Variants in ZNF500 observed in about 807,000 individuals in gnomAD.
ZNF500 encodes zinc finger protein 500.
A neutral mutation model predicts 30.1 loss-of-function variants in ZNF500; 31 were observed. The observed-to-expected ratio is 1.03, with a 90% CI of 0.77 to 1.39. The LOEUF is 1.39. ZNF500 is among the 40% of genes most tolerant of loss of function. ZNF500 has a pLI of 0.00. For synonymous variants in ZNF500, 392 were observed against 282.0 expected (o/e 1.39, Z -3.91); for missense variants, 817 against 657.8 (o/e 1.24, Z -2.65).
intron 2 of ZNF500, among the ~76,000 whole-genome samples, chr16:4,764,311 AG>A (rs1387954474): frequency 8.0e-5 from 12 of 150,632 alleles, no homozygotes; most frequent in African/African-American, 2.7e-4. Context: ...AGATCACTTG[AG>A]GCCAGGAGTT....
chr16:4,761,995 C>A (rs2082207102), intron 4 of ZNF500, among the ~76,000 whole-genome samples: 1 of 152,216 alleles, frequency 6.6e-6, no homozygotes, highest in Non-Finnish European at 1.5e-5. Flanking sequence ...CTGTGCCCAG[C>A]AGAGTAGGAG....
chr16:4,747,153 A>G, downstream of ZNF500: 1 of 1,199,436 alleles, frequency 8.3e-7, no homozygotes, highest in Non-Finnish European at 1.2e-6. Context: ...GGTGAGGGGG[A>G]CGGCACAGCT....
chr16:4,758,358 T>G (rs1424543202), intron 5 of ZNF500: 1 of 152,220 alleles, frequency 6.6e-6, no homozygotes, highest in Non-Finnish European at 1.5e-5. Context: ...TGGACAGAGC[T>G]GGGCAGAATC....
chr16:4,746,999 G>A (rs746162741), downstream of ZNF500: 14 of 1,539,054 alleles, frequency 9.1e-6, no homozygotes, highest in Admixed American at 6.9e-5. Flanking sequence ...ACGCAGAGGG[G>A]GCATCTCCTT....
rs1013114619 is a variant in ZNF500, at chr16:4,752,101, G to A, written c.*275C>T. 1.5e-6 allele frequency: 2 copies of A among 1,329,412 alleles called. No homozygotes were observed. Among genetic ancestry groups the A allele is most frequent in the African/African-American group, 3.0e-5 (2 of 66,910 alleles). The allele number at this position is 1,329,412 out of a possible 1,614,324, so 82.4% of individuals were successfully genotyped here. On this transcript the variant is annotated 3_prime_UTR_variant, in exon 6 of 6. Transcript: ENST00000219478. ...ACGAACACCTTGAGTGTCGGCTTCT[G>A]GCCTCCTGAGTGTGTCTCTGTGGCT...
At chr16:4,756,106 T>A (rs1243519334) in intron 5 of ZNF500, among the ~76,000 whole-genome samples, 1 of 152,166 alleles carries the variant, frequency 6.6e-6, no homozygotes, top group Non-Finnish European at 1.5e-5. Context: ...TGATAAAGAA[T>A]GTTTTTGAGG....
rs759451682 is a variant in ZNF500, at chr16:4,765,668, C to A, written c.311G>T (p.Gly104Val). ...VLEQFLTVLP[G>V]EIQARVREQQ... ...CTCGCGTACCCGAGCCTGGATCTCCCCCGGCAGCACAGTCAGGAACTGCTC... is the reference window on the plus strand; with the variant it reads ...CTCGCGTACCCGAGCCTGGATCTCCACCGGCAGCACAGTCAGGAACTGCTC... The change falls in exon 2 of 6, where the codon GGG becomes GTG. Residue 104 changes from glycine (G) to valine (V), a missense_variant. Transcript: ENST00000219478. The A allele has an allele frequency of 6.2e-7, 1 of 1,613,698 alleles. No individual in the cohort carries two copies. The highest frequency in any genetic ancestry group is 8.5e-7 in the Non-Finnish European group (1 of 1,179,966).
intron 5 of ZNF500, among the ~76,000 whole-genome samples, chr16:4,759,235 A>G (rs1197022008): frequency 6.6e-6 from 1 of 151,272 alleles, no homozygotes. Context: ...AAAAACCCTG[A>G]AAATAACAAC....
intron 4 of ZNF500, among the ~76,000 whole-genome samples, chr16:4,761,154 C>A (rs1281014398): frequency 6.6e-6 from 1 of 151,888 alleles, no homozygotes; most frequent in Non-Finnish European, 1.5e-5. Flanking sequence ...AGGAAATGTT[C>A]GGCCGGGCGC....
Position 4,753,061 on chromosome 16 carries a change from G to C in ZNF500, c.761-3C>G, listed in dbSNP as rs894154152. 17 of 1,510,570 alleles carry C rather than the reference G, an allele frequency of 1.1e-5. No homozygotes were observed. The highest frequency in any genetic ancestry group is 1.4e-5 in the Non-Finnish European group (16 of 1,136,238). 93.6% of individuals were successfully genotyped at this position (1,510,570 alleles called of 1,614,324 possible). A position where few individuals can be genotyped will look rare whatever the true frequency, so the allele number is the denominator to read the frequency against. On this transcript the variant is annotated splice_polypyrimidine_tract_variant and splice_region_variant and intron_variant, in intron 5 of 5. Transcript: ENST00000219478. The stretch of plus-strand genomic sequence containing the variant: ...GTCCTCCAACTGGATCCCAGGTCCT[G>C]AGACAGAGAAAGCACGATCTCTAGG...
Position 4,753,044 on chromosome 16 carries a change from A to G in ZNF500, c.775T>C (p.Leu259=), listed in dbSNP as rs2082102055. ...TCCCTGCCATCACCGCCGTCCTCCA[A>G]CTGGATCCCAGGTCCTGAGACAGAG... ...PLENEGPGIQ[L]EDGGDGREDA... The change falls in exon 6 of 6, where the codon TTG becomes CTG. Residue 259 remains leucine (L), a synonymous_variant. Transcript: ENST00000219478. The G allele has an allele frequency of 2.6e-6, 4 of 1,520,908 alleles. No individual in the cohort carries two copies. The highest frequency in any genetic ancestry group is 1.8e-4 in the Middle Eastern group (1 of 5,660). The allele number at this position is 1,520,908 out of a possible 1,614,324, so 94.2% of individuals were successfully genotyped here.
intron 1 of ZNF500, chr16:4,766,797 A>G (rs112306808): frequency 0.13 from 20,508 of 152,148 alleles, 1,747 homozygotes; most frequent in Admixed American, 0.2. Context: ...TGAAGCCCCT[A>G]CGCGGCCCCG....
chr16:4,759,229 A>C (rs1204778898), intron 5 of ZNF500, among the ~76,000 whole-genome samples: 11 of 151,332 alleles, frequency 7.3e-5, no homozygotes, highest in South Asian at 4.2e-4. Context: ...AAAAAAAAAA[A>C]CCCTGAAAAT....
At chr16:4,747,601 G>A, downstream of ZNF500, 1 of 1,609,610 alleles carries the variant, frequency 6.2e-7, no homozygotes, top group Non-Finnish European at 8.5e-7. Flanking sequence ...GGGAGGCCCT[G>A]ATGCCTCCTC....
intron 2 of ZNF500, chr16:4,763,243 C>G (rs1263347181): frequency 4.0e-6 from 2 of 503,646 alleles, no homozygotes; most frequent in Non-Finnish European, 5.1e-6. Flanking sequence ...ACTAAAAATA[C>G]AAAAATTAGC....
Position 4,751,551 on chromosome 16 carries a change from A to G in ZNF500, c.*825T>C, listed in dbSNP as rs903028722. 5.2e-6 allele frequency: 8 copies of G among 1,530,164 alleles called. No individual in the cohort carries two copies. The African/African-American group carries it at 1.1e-4, about 21-fold the overall frequency. The allele number at this position is 1,530,164 out of a possible 1,614,324, so 94.8% of individuals were successfully genotyped here. A position where few individuals can be genotyped will look rare whatever the true frequency, so the allele number is the denominator to read the frequency against. The stretch of plus-strand genomic sequence containing the variant: ...GGCTCCATTTGGAAACTCTGGCAGG[A>G]TGAAGAAGCTGGAGACCACGTCCTG... On this transcript the variant is annotated 3_prime_UTR_variant, in exon 6 of 6. Coordinates refer to ENST00000219478, the MANE Select transcript of ZNF500 (RefSeq NM_021646.4).
chr16:4,747,312 G>T, downstream of ZNF500: 1 of 1,531,048 alleles, frequency 6.5e-7, no homozygotes, highest in South Asian at 1.3e-5. Context: ...CCCCCACGGG[G>T]TTGAGTGAAT....
chr16:4,745,738 G>A (rs2082006514), downstream of ZNF500, among the ~76,000 whole-genome samples: 1 of 152,160 alleles, frequency 6.6e-6, no homozygotes, highest in Admixed American at 6.5e-5. Flanking sequence ...ATCACCTGAT[G>A]TCAGGAGTTC....
Position 4,752,349 on chromosome 16 carries a change from C to A in ZNF500, c.*27G>T. ...AATTCTGTGCCCAGGGATGAGAGTCCTGGAAAGGGAGTTTCAGGCCTGGTG... is the reference window on the plus strand; with the variant it reads ...AATTCTGTGCCCAGGGATGAGAGTCATGGAAAGGGAGTTTCAGGCCTGGTG... On this transcript the variant is annotated 3_prime_UTR_variant, in exon 6 of 6. Coordinates refer to ENST00000219478, the MANE Select transcript of ZNF500 (RefSeq NM_021646.4). The A allele has an allele frequency of 1.4e-6, 2 of 1,459,600 alleles. No individual in the cohort carries two copies. Among genetic ancestry groups the A allele is most frequent in the South Asian group, 1.4e-5 (1 of 71,910 alleles). 90.4% of individuals were successfully genotyped at this position (1,459,600 alleles called of 1,614,324 possible).
Sources: allele counts gnomAD v4.1 joint callset (sites outside exome capture counted in the v4.1 genomes callset), GRCh38; gene constraint gnomAD v4.1.1; transcripts MANE v1.5; gene names NCBI Gene and HGNC (gene_info 2026-07-23, HGNC 2026-07-21).